Variants in CDK5RAP2 observed in about 807,000 individuals in gnomAD.
CDK5RAP2 encodes CDK5 regulatory subunit associated protein 2.
In CDK5RAP2, 147 loss-of-function variants were observed where a neutral mutation model predicts 232.9. That is an observed-to-expected ratio of 0.63 (90% confidence interval 0.55 to 0.72). The LOEUF (loss-of-function observed/expected upper bound fraction) is 0.72. Ranked by LOEUF, CDK5RAP2 falls within the 30% of genes least tolerant of loss-of-function variation. CDK5RAP2 has a pLI of 0.00. For synonymous variants in CDK5RAP2, 833 were observed against 833.7 expected (o/e 1.00, Z 0.01); for missense variants, 2,195 against 2,231.5 (o/e 0.98, Z 0.33).
In CDK5RAP2 at chr9:120,389,084, C is replaced by A; in HGVS notation, c.*152G>T. On this transcript the variant is annotated 3_prime_UTR_variant, in exon 38 of 38. Coordinates refer to ENST00000349780, the MANE Select transcript of CDK5RAP2 (RefSeq NM_018249.6). The stretch of plus-strand genomic sequence containing the variant: ...CACCTTTCTGACAACAACTCTCAAG[C>A]CAACTTTCAGAGAGAAAACATGAAG... 1 of 735,348 alleles carries A rather than the reference C, an allele frequency of 1.4e-6. No homozygotes were observed. Among genetic ancestry groups the A allele is most frequent in the Non-Finnish European group, 2.3e-6 (1 of 436,120 alleles). 45.6% of individuals were successfully genotyped at this position (735,348 alleles called of 1,614,324 possible).
At chr9:120,417,673 G>A (rs780680914) in intron 27 of CDK5RAP2, among the ~76,000 whole-genome samples, 6 of 152,174 alleles carry the variant, frequency 3.9e-5, no homozygotes, top group Non-Finnish European at 7.3e-5. Context: ...CAGCCAAACT[G>A]AAGAGAAGGA....
chr9:120,533,965 T>TC (rs1201721539), intron 7 of CDK5RAP2, among the ~76,000 whole-genome samples: 1 of 152,066 alleles, frequency 6.6e-6, no homozygotes, highest in Non-Finnish European at 1.5e-5. Context: ...TCCACTTTGG[T>TC]CACCATCAGC....
chr9:120,531,744 G>T (rs1162563901), intron 7 of CDK5RAP2, among the ~76,000 whole-genome samples: 2 of 152,194 alleles, frequency 1.3e-5, no homozygotes, highest in Non-Finnish European at 2.9e-5. Flanking sequence ...AGACAGAGCT[G>T]CCCTAGTGAA....
intron 12 of CDK5RAP2, among the ~76,000 whole-genome samples, chr9:120,494,522 C>T (rs1300326373): frequency 6.6e-6 from 1 of 152,054 alleles, no homozygotes; most frequent in Non-Finnish European, 1.5e-5. Flanking sequence ...CTGGGTCAAT[C>T]TGAACAATAA....
At chr9:120,398,354 C>G (rs886654043) in intron 35 of CDK5RAP2, among the ~76,000 whole-genome samples, 8 of 152,150 alleles carry the variant, frequency 5.3e-5, no homozygotes, top group African/African-American at 1.9e-4. Flanking sequence ...TATAATAATT[C>G]AGAATATGAA....
chr9:120,400,708 T>A (rs754991729), intron 35 of CDK5RAP2, 34 bp downstream of exon 35: 2 of 1,611,878 alleles, frequency 1.2e-6, no homozygotes, highest in Non-Finnish European at 1.7e-6. Flanking sequence ...CCCAGTGGCA[T>A]CCTTGAGCCT....
At chr9:120,555,035 GA>G (rs1218094400) in intron 3 of CDK5RAP2, among the ~76,000 whole-genome samples, 9 of 148,250 alleles carry the variant, frequency 6.1e-5, no homozygotes, top group African/African-American at 2.0e-4. Flanking sequence ...TGGAAAGATA[GA>G]AAGTCTCAGT....
At chr9:120,514,604 C>G (rs1258188334) in intron 12 of CDK5RAP2, among the ~76,000 whole-genome samples, 2 of 152,204 alleles carry the variant, frequency 1.3e-5, no homozygotes, top group African/African-American at 2.4e-5. Context: ...AGCCAGCTCT[C>G]AGAGAGAGAG....
Position 120,455,244 on chromosome 9 carries a change from A to T in CDK5RAP2, c.2376-1371T>A, listed in dbSNP as rs537573830. ...AGGGCTTCTAACATCAGTGAGAGGC[A>T]AGCCTCGAGGAGAGGAAATGGAACA... On this transcript the variant is annotated intron_variant, in intron 20 of 37. Coordinates refer to ENST00000349780, the MANE Select transcript of CDK5RAP2 (RefSeq NM_018249.6). 6.6e-5 allele frequency among the ~76,000 whole-genome samples: 10 copies of T among 152,308 alleles called. No homozygotes were observed. The South Asian group carries it at 1.5e-3, about 22-fold the overall frequency.
intron 2 of CDK5RAP2, among the ~76,000 whole-genome samples, chr9:120,571,032 G>A (rs1355719381): frequency 2.0e-5 from 3 of 152,152 alleles, no homozygotes; most frequent in African/African-American, 4.8e-5. Context: ...CGTGGCACAC[G>A]CCTGTAGTCC....
chr9:120,491,974 C>A (rs2038931443), intron 12 of CDK5RAP2, among the ~76,000 whole-genome samples: 1 of 151,512 alleles, frequency 6.6e-6, no homozygotes, highest in Non-Finnish European at 1.5e-5. Flanking sequence ...TCTAAGTTTC[C>A]ACAATTTCTA....
At chr9:120,448,219 A>T (rs1429403703) in intron 21 of CDK5RAP2, 93 bp from the exon 22 acceptor site, 3 of 1,089,038 alleles carry the variant, frequency 2.8e-6, no homozygotes, top group Non-Finnish European at 4.3e-6. Flanking sequence ...ATAAAACGGA[A>T]TTCGAACTGG....
At chr9:120,496,503 A>G (rs1588486025) in intron 12 of CDK5RAP2, among the ~76,000 whole-genome samples, 1 of 127,852 alleles carries the variant, frequency 7.8e-6, no homozygotes, top group Non-Finnish European at 1.6e-5. Context: ...CCCGTCCGGG[A>G]GGGAGGTGGG....
At chr9:120,399,913 A>T (rs541628784) in intron 35 of CDK5RAP2, among the ~76,000 whole-genome samples, 66 of 152,336 alleles carry the variant, frequency 4.3e-4, no homozygotes, top group African/African-American at 1.5e-3. Context: ...CCCACCTGCT[A>T]CTTCATGGTC....
chr9:120,443,832 C>T (rs2036037098), intron 22 of CDK5RAP2, 90 bp from the exon 23 acceptor site: 1 of 1,566,440 alleles, frequency 6.4e-7, no homozygotes, highest in African/African-American at 1.4e-5. Flanking sequence ...AAAGATACAA[C>T]AGGGAAAATA....
At chr9:120,416,477 AC>A (rs1382018433) in intron 27 of CDK5RAP2, among the ~76,000 whole-genome samples, 1 of 152,274 alleles carries the variant, frequency 6.6e-6, no homozygotes, top group Non-Finnish European at 1.5e-5. Flanking sequence ...AAGGAAAGAC[AC>A]AAATATGTGA....
chr9:120,477,132 A>C (rs1315046324), intron 15 of CDK5RAP2, among the ~76,000 whole-genome samples: 2 of 152,360 alleles, frequency 1.3e-5, no homozygotes, highest in South Asian at 4.1e-4. Context: ...TGAGTAATCA[A>C]TTTTGTTGCC....
chr9:120,509,144 A>G (rs1295930767), intron 12 of CDK5RAP2, among the ~76,000 whole-genome samples: 1 of 152,222 alleles, frequency 6.6e-6, no homozygotes, highest in African/African-American at 2.4e-5. Context: ...CCCTTCTTAT[A>G]GGGATCAATC....
Position 120,550,855 on chromosome 9 carries a change from G to A in CDK5RAP2, c.243C>T (p.Ile81=). The A allele has an allele frequency of 6.2e-7, 1 of 1,613,496 alleles. No individual in the cohort carries two copies. Among genetic ancestry groups the A allele is most frequent in the Non-Finnish European group, 8.5e-7 (1 of 1,179,454 alleles). Residue 81 remains isoleucine (I), a synonymous_variant, in exon 4 of 38, where the codon ATC becomes ATT. Transcript: ENST00000349780. ...GTTGCATTCTTTCCTCAAGGAAATA[G>A]ATGCGGAGCTTTAGGTTAAAGTTTT... The part of the protein sequence containing the change: ...KKENFNLKLR[I]YFLEERMQQE...
Sources: allele counts gnomAD v4.1 joint callset (sites outside exome capture counted in the v4.1 genomes callset), GRCh38; gene constraint gnomAD v4.1.1; transcripts MANE v1.5; gene names NCBI Gene and HGNC (gene_info 2026-07-23, HGNC 2026-07-21).